The following WIF1 variants were observed in gnomAD, a reference collection of about 807,000 sequenced individuals.
The protein encoded by WIF1 is Wnt inhibitory factor 1.
A neutral mutation model predicts 53.5 loss-of-function variants in WIF1; 35 were observed. That is an observed-to-expected ratio of 0.65 (90% confidence interval 0.50 to 0.87). The LOEUF (loss-of-function observed/expected upper bound fraction) is 0.87, where lower values mean the gene tolerates loss of function less well. WIF1 is among the 40% of genes least tolerant of loss of function. WIF1 has a pLI of 0.00. For missense variants in WIF1, 467 were observed against 476.8 expected (o/e 0.98, Z 0.19); for synonymous variants, 171 against 170.4 (o/e 1.00, Z -0.03).
chr12:65,121,107 C>G lies in WIF1; in HGVS notation c.85G>C (p.Gly29Arg), dbSNP rs1307100048. The G allele has an allele frequency of 1.3e-6, 2 of 1,545,646 alleles. No homozygotes were observed. Among genetic ancestry groups the G allele is most frequent in the Non-Finnish European group, 1.7e-6 (2 of 1,144,238 alleles). The change falls in exon 1 of 10, where the codon GGG becomes CGG. Residue 29 changes from glycine (G) to arginine (R), a missense_variant. Gly to Arg is a moderately radical substitution (Grantham distance 125). Transcript: ENST00000286574. ...TACAGGCTCTCCTCCTGCGGCGGCC[C>G]GGCCTCCGCCCGCAGTGCCAGCAGG... ...LCLLALRAEA[G>R]PPQEESLYLW...
At chr12:65,090,450 C>T (rs1173715164) in intron 2 of WIF1, among the ~76,000 whole-genome samples, 1 of 152,140 alleles carries the variant, frequency 6.6e-6, no homozygotes, top group African/African-American at 2.4e-5. Context: ...ATGGAGCTTG[C>T]AGGCTGGAAG....
At chr12:65,072,056 AG>A (rs1408346379) in intron 3 of WIF1, among the ~76,000 whole-genome samples, 2 of 152,120 alleles carry the variant, frequency 1.3e-5, no homozygotes, top group South Asian at 2.1e-4. Flanking sequence ...AAGACCATTT[AG>A]GTAATAATAT....
At chr12:65,109,437 G>A (rs1017157473) in intron 2 of WIF1, among the ~76,000 whole-genome samples, 2 of 152,168 alleles carry the variant, frequency 1.3e-5, no homozygotes, top group Non-Finnish European at 2.9e-5. Context: ...GAGAAGTGAG[G>A]TATGGGCTGG....
At chr12:65,093,759 T>C (rs1415843558) in intron 2 of WIF1, among the ~76,000 whole-genome samples, 3 of 152,068 alleles carry the variant, frequency 2.0e-5, no homozygotes, top group Non-Finnish European at 2.9e-5. Context: ...AGTTCCCGCA[T>C]GTGGATAGGT....
Position 65,120,524 on chromosome 12 carries a change from C to G in WIF1, c.181G>C (p.Gly61Arg), listed in dbSNP as rs747368491. ...TCATGTGTAAAAGGTGCCATTTTCC[C>G]CTCTGAAACAATCAGGATATCTTCT... ...FEEDILIVSE[G>R]KMAPFTHDFR... The change falls in exon 2 of 10, where the codon GGG becomes CGG. Residue 61 changes from glycine (G) to arginine (R), a missense_variant. By Grantham distance (125) the Gly-to-Arg change is moderately radical. Transcript: ENST00000286574. 1.2e-6 allele frequency: 2 copies of G among 1,613,814 alleles called. No individual in the cohort carries two copies. The highest frequency in any genetic ancestry group is 1.7e-6 in the Non-Finnish European group (2 of 1,179,886).
At chr12:65,061,527 G>A (rs3825228) in intron 7 of WIF1, among the ~76,000 whole-genome samples, 83,350 of 152,018 alleles carry the variant, frequency 0.55, 24,778 homozygotes, top group East Asian at 0.73. Context: ...GGCAATCTAG[G>A]AGGGAGTTAT....
chr12:65,056,261 C>T, intron 7 of WIF1, 135 bp from the exon 8 acceptor site: 1 of 676,760 alleles, frequency 1.5e-6, no homozygotes, highest in Non-Finnish European at 2.3e-6. Context: ...TTCAGATCTA[C>T]TCTGGCTTTT....
rs371787646 is a variant in WIF1 at position 65,086,991 on chromosome 12, T to TA, written c.289-9138dup. ...CCCCATCTCTACTAAAAATAATAAT[T>TA]AAAAAAAAAATAGCTGGGCATGGTG... On this transcript the variant is annotated intron_variant, in intron 2 of 9. Coordinates refer to ENST00000286574, the MANE Select transcript of WIF1 (RefSeq NM_007191.5). Among the ~76,000 whole-genome samples, 1,270 of 146,614 alleles carry TA rather than the reference T, an allele frequency of 8.7e-3. 9 individuals carry two copies. The highest frequency in any genetic ancestry group is 0.026 in the South Asian group (120 of 4,576).
rs539040497 is a variant in WIF1, at chr12:65,066,712, T to C, written c.659A>G (p.Asn220Ser). Residue 220 changes from asparagine (N) to serine (S), a missense_variant, in exon 6 of 10, where the codon AAT becomes AGT. Asn to Ser is a conservative substitution (Grantham distance 46). Transcript: ENST00000286574. Reference sequence around the variant, plus strand: ...ACCAGGAGTCACACAAAGTCCACCATTCATACATCGTGGGGTACAAAGGGC... The same window carrying C: ...ACCAGGAGTCACACAAAGTCCACCACTCATACATCGTGGGGTACAAAGGGC... ...EKALCTPRCM[N>S]GGLCVTPGFC... 2.5e-6 allele frequency: 4 copies of C among 1,609,740 alleles called. No individual in the cohort carries two copies. The South Asian group carries it at 4.4e-5, about 18-fold the overall frequency.
intron 2 of WIF1, among the ~76,000 whole-genome samples, chr12:65,086,150 GAA>G (rs11433448): frequency 6.1e-5 from 9 of 148,516 alleles, no homozygotes; most frequent in African/African-American, 2.3e-4. Context: ...TCTAAAAATT[GAA>G]AAAAAAAAGG....
intron 2 of WIF1, chr12:65,095,712 A>G (rs370898340): frequency 6.6e-6 from 1 of 152,108 alleles, no homozygotes; most frequent in Non-Finnish European, 1.5e-5. Context: ...ATAGAAGGAA[A>G]TAGGTTACAT....
In WIF1 at chr12:65,051,015, C is replaced by T. The variant is rs558988281; in HGVS notation, c.*334G>A. On this transcript the variant is annotated 3_prime_UTR_variant, in exon 10 of 10. Coordinates refer to ENST00000286574, the MANE Select transcript of WIF1 (RefSeq NM_007191.5). ...CTTACGCATTTTTGCCCAATTTAAC[C>T]TTTCTGATGTTCCCCTGCCCCCAGA... The T allele has an allele frequency of 4.1e-6, 1 of 246,280 alleles. No individual in the cohort carries two copies. Among genetic ancestry groups the T allele is most frequent in the African/African-American group, 2.2e-5 (1 of 45,954 alleles). 15.3% of individuals were successfully genotyped at this position (246,280 alleles called of 1,614,324 possible).
At chr12:65,074,534 C>A (rs961421166) in intron 3 of WIF1, among the ~76,000 whole-genome samples, 1 of 151,704 alleles carries the variant, frequency 6.6e-6, no homozygotes. Context: ...AGAAAATTAT[C>A]TTTAGCCAGG....
At chr12:65,120,638 A>G in intron 1 of WIF1, 82 bp from the exon 2 acceptor site, 4 of 1,499,486 alleles carry the variant, frequency 2.7e-6, no homozygotes, top group East Asian at 2.3e-5. Context: ...AAAGAAAACC[A>G]AAGAATTAGT....
intron 2 of WIF1, among the ~76,000 whole-genome samples, chr12:65,084,938 A>G (rs1199027508): frequency 6.6e-6 from 1 of 152,182 alleles, no homozygotes; most frequent in Non-Finnish European, 1.5e-5. Flanking sequence ...AGAACAATCA[A>G]ACACTGACAT....
chr12:65,067,560 A>C, intron 5 of WIF1, 135 bp downstream of exon 5: 1 of 841,324 alleles, frequency 1.2e-6, no homozygotes, highest in Non-Finnish European at 1.9e-6. Flanking sequence ...AAGTGATGGC[A>C]TTGTGCCAAA....
intron 9 of WIF1, among the ~76,000 whole-genome samples, chr12:65,053,085 T>C (rs749044305): frequency 5.3e-5 from 8 of 152,204 alleles, no homozygotes; most frequent in Non-Finnish European, 1.2e-4. Context: ...CGGTTTACTC[T>C]TTTCCAAAAT....
chr12:65,092,880 G>A (rs573334365), intron 2 of WIF1, among the ~76,000 whole-genome samples: 2 of 152,044 alleles, frequency 1.3e-5, no homozygotes, highest in Admixed American at 6.6e-5. Flanking sequence ...GGGGCCAGAG[G>A]AAACTCTGTA....
At chr12:65,091,317 A>C (rs1416557571) in intron 2 of WIF1, among the ~76,000 whole-genome samples, 1 of 148,166 alleles carries the variant, frequency 6.7e-6, no homozygotes, top group African/African-American at 2.4e-5. Context: ...CAAGTATTTT[A>C]TATATTATAT....
Sources: gnomAD v4.1 joint callset for allele counts (sites outside exome capture counted in the v4.1 genomes callset) on GRCh38, gnomAD v4.1.1 for gene constraint, MANE v1.5 for transcripts, NCBI Gene and HGNC (gene_info 2026-07-23, HGNC 2026-07-21) for gene names.